The following LPAR6 variants were observed in gnomAD, a reference collection of about 807,000 sequenced individuals.
LPAR6 encodes G-protein coupled purinergic receptor P2Y5.
Under a neutral mutation model 22.0 loss-of-function variants are expected in LPAR6, and 17 were observed. The observed-to-expected ratio is 0.77, with a 90% CI of 0.53 to 1.16. The LOEUF (loss-of-function observed/expected upper bound fraction) is 1.16. Among genes scored for constraint, LPAR6 ranks in the 50% most tolerant of loss-of-function variants. The pLI, the probability that LPAR6 is intolerant of heterozygous loss-of-function variation, is 0.00. For synonymous variants in LPAR6, 136 were observed against 139.8 expected (o/e 0.97, Z 0.19); for missense variants, 384 against 406.9 (o/e 0.94, Z 0.48).
upstream of LPAR6, among the ~76,000 whole-genome samples, chr13:48,413,372 G>T (rs1948852598): frequency 6.6e-6 from 1 of 152,102 alleles, no homozygotes; most frequent in Admixed American, 6.5e-5. Context: ...TGTTTCAGTA[G>T]TAATAATTGA....
intron 1 of LPAR6, among the ~76,000 whole-genome samples, chr13:48,392,007 T>A (rs1052044407): frequency 2.6e-5 from 4 of 152,254 alleles, no homozygotes; most frequent in Non-Finnish European, 5.9e-5. Context: ...CCTTTATTTT[T>A]AAAAGGTCTT....
chr13:48,430,545 G>T (rs1327847480), upstream of LPAR6, among the ~76,000 whole-genome samples: 1 of 152,100 alleles, frequency 6.6e-6, no homozygotes, highest in Non-Finnish European at 1.5e-5. Flanking sequence ...TTTGACACCA[G>T]CCTAGCTAAC....
upstream of LPAR6, chr13:48,413,128 A>G (rs1948846784): frequency 6.0e-6 from 1 of 167,136 alleles, no homozygotes. Context: ...TGAAAAAGAA[A>G]GGCTTCCTAG....
intron 1 of LPAR6, among the ~76,000 whole-genome samples, chr13:48,404,971 A>G (rs1333179038): frequency 2.0e-5 from 3 of 152,224 alleles, no homozygotes; most frequent in Admixed American, 6.5e-5. Flanking sequence ...TTTGTCAAAT[A>G]TGACAGCAAA....
chr13:48,416,444 G>C (rs962165566), upstream of LPAR6: 1 of 152,446 alleles, frequency 6.6e-6, no homozygotes, highest in African/African-American at 2.4e-5. Context: ...CCTTAGACCA[G>C]GCAATTCCCT....
intron 1 of LPAR6, among the ~76,000 whole-genome samples, chr13:48,441,867 T>G (rs181991330): frequency 3.3e-5 from 5 of 152,308 alleles, no homozygotes; most frequent in African/African-American, 1.2e-4. Flanking sequence ...ATGACTTTAA[T>G]TTTGATCATT....
At position 48,394,134 on chromosome 13, in the gene LPAR6, C is replaced by T. The variant is rs145383049; in HGVS notation, n.115-4322G>A. ...AAGCAGGATGGGGCATCACCTCACC[C>T]GGGAAGCACAAGGGGTTGGGGAACT... On this transcript the variant is annotated intron_variant and non_coding_transcript_variant, in intron 1 of 1. Transcript: ENST00000462781. Among the ~76,000 whole-genome samples the T allele has an allele frequency of 9.8e-3, 1,495 of 152,238 alleles. 26 individuals carry two copies. The highest frequency in any genetic ancestry group is 0.034 in the African/African-American group (1,429 of 41,524).
intron 1 of LPAR6, among the ~76,000 whole-genome samples, chr13:48,425,569 G>T (rs1355792019): frequency 6.6e-6 from 1 of 152,068 alleles, no homozygotes; most frequent in Non-Finnish European, 1.5e-5. Flanking sequence ...TCTAATCCAA[G>T]TTACTAAAAA....
At chr13:48,408,307 T>C (rs1948757887), downstream of LPAR6, among the ~76,000 whole-genome samples, 1 of 151,998 alleles carries the variant, frequency 6.6e-6, no homozygotes, top group Non-Finnish European at 1.5e-5. Context: ...ATAAACTAGG[T>C]ACTTGATATT....
At chr13:48,403,263 T>C (rs991271142) in intron 1 of LPAR6, among the ~76,000 whole-genome samples, 8 of 152,148 alleles carry the variant, frequency 5.3e-5, no homozygotes, top group African/African-American at 1.9e-4. Flanking sequence ...AATGAGATAA[T>C]GGAACTCAGT....
chr13:48,422,231 G>C (rs1019786612), intron 2 of LPAR6, among the ~76,000 whole-genome samples: 10 of 152,234 alleles, frequency 6.6e-5, no homozygotes, highest in African/African-American at 2.2e-4. Context: ...CATGGATGAA[G>C]CTGGAAACCA....
rs559679775 is a variant in LPAR6, at chr13:48,425,588, C to T, written c.-1095+1271G>A. ...ATCCAAGTTACTAAAAATTAATGTG[C>T]GTCTCCTGAGCCCCACCTACTCAGG... On this transcript the variant is annotated intron_variant, in intron 1 of 4. Coordinates refer to the LPAR6 transcript ENST00000345941. Among the ~76,000 whole-genome samples the T allele has an allele frequency of 3.9e-5, 6 of 152,158 alleles. 1 individual carries two copies. Among genetic ancestry groups the T allele is most frequent in the African/African-American group, 1.2e-4 (5 of 41,500 alleles).
intron 1 of LPAR6, among the ~76,000 whole-genome samples, chr13:48,433,682 A>ATTTTT (rs10665957): frequency 6.8e-6 from 1 of 147,144 alleles, no homozygotes; most frequent in Admixed American, 6.7e-5. Flanking sequence ...ACAAAAATGC[A>ATTTTT]TTTTTTTTTT....
At chr13:48,426,577 T>C (rs1949082358) in intron 1 of LPAR6, 1 of 152,228 alleles carries the variant, frequency 6.6e-6, no homozygotes, top group African/African-American at 2.4e-5. Flanking sequence ...AAGTCCACCT[T>C]ACCCCTGTTA....
intron 1 of LPAR6, among the ~76,000 whole-genome samples, chr13:48,425,169 TGAG>T (rs1949062019): frequency 6.6e-6 from 1 of 152,238 alleles, no homozygotes. Context: ...AAGAGCTTCT[TGAG>T]GAGATGATGT....
chr13:48,395,368 G>A (rs911194861), intron 1 of LPAR6, among the ~76,000 whole-genome samples: 2 of 152,100 alleles, frequency 1.3e-5, no homozygotes, highest in African/African-American at 4.8e-5. Flanking sequence ...CTCCTCCCCA[G>A]CAAGGGGAGT....
chr13:48,440,902 C>T (rs1262703415), intron 1 of LPAR6, among the ~76,000 whole-genome samples: 2 of 151,940 alleles, frequency 1.3e-5, no homozygotes, highest in African/African-American at 2.4e-5. Context: ...TAAGAATGCC[C>T]TATATTGTAA....
intron 1 of LPAR6, among the ~76,000 whole-genome samples, chr13:48,403,235 A>G (rs919896413): frequency 1.4e-4 from 21 of 152,202 alleles, no homozygotes; most frequent in Non-Finnish European, 5.9e-5. Flanking sequence ...TTTAAAAATG[A>G]AACTATTTCT....
At chr13:48,406,224 A>G (rs1265326584), downstream of LPAR6, among the ~76,000 whole-genome samples, 1 of 151,944 alleles carries the variant, frequency 6.6e-6, no homozygotes, top group Non-Finnish European at 1.5e-5. Flanking sequence ...TGTGTGTGTT[A>G]GATATTGCCA....
Sources: allele counts gnomAD v4.1 joint callset (sites outside exome capture counted in the v4.1 genomes callset), GRCh38; gene constraint gnomAD v4.1.1; transcripts MANE v1.5; gene names NCBI Gene and HGNC (gene_info 2026-07-23, HGNC 2026-07-21).